MOG: variants seen among roughly 807,000 people sequenced by gnomAD.
The protein encoded by MOG is myelin oligodendrocyte glycoprotein.
Under a neutral mutation model 35.9 loss-of-function variants are expected in MOG, and 20 were observed. The ratio of observed to expected loss-of-function variants is 0.56; its 90% CI spans 0.39 to 0.81. MOG has a LOEUF of 0.81. Among genes scored for constraint, MOG ranks in the 30% least tolerant of loss-of-function variants. The probability of loss-of-function intolerance (pLI) is 0.00; values close to 1 mark genes in which losing one functional copy is unlikely to be tolerated. For missense variants in MOG, 251 were observed against 301.0 expected (o/e 0.83, Z 1.23); for synonymous variants, 92 against 114.3 (o/e 0.80, Z 1.25).
chr6:29,670,193 A>T lies in MOG; in HGVS notation c.593-88A>T. On this transcript the variant is annotated intron_variant, in intron 5 of 7. Transcript: ENST00000376917. The surrounding 1 kb of genome is among the most constrained non-coding windows in gnomAD (Gnocchi z 4.2). ...CCCCAGAGTCCTTTGGTGTTCTAGG[A>T]CCCCAGGTTAAGGAACCAAAAAAGA... is the stretch of plus-strand genomic sequence containing the variant. 1 of 1,613,696 alleles carries T rather than the reference A, an allele frequency of 6.2e-7. No individual in the cohort carries two copies. The highest frequency in any genetic ancestry group is 8.5e-7 in the Non-Finnish European group (1 of 1,179,702).
At chr6:29,668,571 C>T (rs1770716183) in intron 5 of MOG, among the ~76,000 whole-genome samples, 1 of 152,214 alleles carries the variant, frequency 6.6e-6, no homozygotes, top group South Asian at 2.1e-4. Context: ...AGCAAACTTC[C>T]TTCACAGCTC....
rs1410854698 is a variant in MOG at position 29,662,276 on chromosome 6, G to A, written c.436+2610G>A. On this transcript the variant is annotated intron_variant, in intron 2 of 7. Coordinates refer to ENST00000376917, the MANE Select transcript of MOG (RefSeq NM_206809.4). The surrounding 1 kb of genome is among the most constrained non-coding windows in gnomAD (Gnocchi z 4.2). ...AAGCGGGCAGATCACCCGAGGTCAG[G>A]AGTTCGAGACCAGCCTGATCAACAT... The A allele has an allele frequency of 1.6e-6, 1 of 625,794 alleles. No homozygotes were observed. Among genetic ancestry groups the A allele is most frequent in the Non-Finnish European group, 2.0e-6 (1 of 501,976 alleles). 38.8% of individuals were successfully genotyped at this position (625,794 alleles called of 1,614,324 possible).
At position 29,669,967 on chromosome 6, in the gene MOG, C is replaced by T. The variant is rs1771095925; in HGVS notation, c.593-314C>T. 2.5e-5 allele frequency: 16 copies of T among 638,600 alleles called. No individual in the cohort carries two copies. In the South Asian group the frequency reaches 2.6e-4, roughly 10 times the overall value. 39.6% of individuals were successfully genotyped at this position (638,600 alleles called of 1,614,324 possible). A position where few individuals can be genotyped will look rare whatever the true frequency, so the allele number is the denominator to read the frequency against. The stretch of plus-strand genomic sequence containing the variant: ...TACATTTTTAGTAGAGATGGGGTTT[C>T]ACCATGTTGGCCTGGCTGGTCTTGA... On this transcript the variant is annotated intron_variant, in intron 5 of 7. Transcript: ENST00000376917.
chr6:29,660,052 G>A, intron 2 of MOG: 1 of 299,626 alleles, frequency 3.3e-6, no homozygotes. Context: ...AAACCCTAGG[G>A]CATGGTGGTT....
At chr6:29,666,017 C>A in intron 2 of MOG, 135 bp from the exon 3 acceptor site, 2 of 764,420 alleles carry the variant, frequency 2.6e-6, no homozygotes, top group Non-Finnish European at 4.8e-6. Context: ...GCTCAGGGAC[C>A]AATTCTGTGT....
At chr6:29,657,432 C>T in intron 1 of MOG, 135 bp downstream of exon 1, 2 of 737,730 alleles carry the variant, frequency 2.7e-6, no homozygotes, top group South Asian at 1.6e-5. Context: ...ACATGCCTCC[C>T]TTCCTCAGAA....
At position 29,666,960 on chromosome 6, in the gene MOG, C is replaced by T. The variant is rs1349471501; in HGVS notation, c.551-683C>T. 3.3e-5 allele frequency among the ~76,000 whole-genome samples: 5 copies of T among 152,108 alleles called. No individual in the cohort carries two copies. In the East Asian group the frequency reaches 5.8e-4, roughly 18 times the overall value. On this transcript the variant is annotated intron_variant, in intron 3 of 7. Transcript: ENST00000376917. The stretch of plus-strand genomic sequence containing the variant: ...TGTTCTGGGGGAATGGGTGTTGGTG[C>T]GATCAACAACAAAGTCCTTTCTCTC...
chr6:29,667,754 C>G (rs17178119), intron 4 of MOG, 91 bp downstream of exon 4: 49,273 of 1,559,098 alleles, frequency 0.032, 886 homozygotes, highest in Middle Eastern at 0.068. Flanking sequence ...CTCTCCCTCT[C>G]AATACCCTGT....
Position 29,662,034 on chromosome 6 carries a change from G to T in MOG, c.436+2368G>T. The stretch of plus-strand genomic sequence containing the variant: ...GTTGAGACAAATTTAGGAATGAGAT[G>T]AAGTAATGGTATTATTGCAAGTCTC... On this transcript the variant is annotated intron_variant, in intron 2 of 7. Transcript: ENST00000376917. The surrounding 1 kb of genome is among the most constrained non-coding windows in gnomAD (Gnocchi z 4.2). 1.0e-6 allele frequency: 1 copy of T among 985,378 alleles called. No homozygotes were observed. The highest frequency in any genetic ancestry group is 1.2e-6 in the Non-Finnish European group (1 of 829,924). 61.0% of individuals were successfully genotyped at this position (985,378 alleles called of 1,614,324 possible).
chr6:29,664,438 C>G (rs1023082395), intron 2 of MOG, among the ~76,000 whole-genome samples: 2 of 152,058 alleles, frequency 1.3e-5, no homozygotes, highest in African/African-American at 4.8e-5. Context: ...AACTCCTGAC[C>G]TCAAGTGATC....
Position 29,671,521 on chromosome 6 carries a change from A to G in MOG, c.*336A>G. The G allele has an allele frequency of 9.5e-7, 1 of 1,057,434 alleles. No individual in the cohort carries two copies. Among genetic ancestry groups the G allele is most frequent in the East Asian group, 2.4e-5 (1 of 42,366 alleles). The allele number at this position is 1,057,434 out of a possible 1,614,324, so 65.5% of individuals were successfully genotyped here. A position where few individuals can be genotyped will look rare whatever the true frequency, so the allele number is the denominator to read the frequency against. ...AGAGCAACACAGGATGGTCTCTGCC[A>G]TGAACTGGAGGCCAGGAATCTCCTC... On this transcript the variant is annotated 3_prime_UTR_variant, in exon 8 of 8. Coordinates refer to ENST00000376917, the MANE Select transcript of MOG (RefSeq NM_206809.4).
chr6:29,659,491 T>C lies in MOG; in HGVS notation c.261T>C (p.Asp87=), dbSNP rs551474018. ...VHLYRNGKDQ[D]GDQAPEYRGR... The stretch of plus-strand genomic sequence containing the variant: ...TCTACAGAAATGGCAAGGACCAAGA[T>C]GGAGACCAGGCACCTGAATATCGGG... The change falls in exon 2 of 8, where the codon GAT becomes GAC. Residue 87 remains aspartate, a synonymous_variant. Transcript: ENST00000376917. 1 of 1,613,036 alleles carries C rather than the reference T, an allele frequency of 6.2e-7. No homozygotes were observed. The highest frequency in any genetic ancestry group is 1.3e-5 in the African/African-American group (1 of 75,034).
intron 2 of MOG, chr6:29,663,906 TG>T: frequency 1.0e-6 from 1 of 966,232 alleles, no homozygotes; most frequent in Non-Finnish European, 1.2e-6. Flanking sequence ...GCAACCCTCC[TG>T]GACCAGTTTA....
Position 29,671,345 on chromosome 6 carries a change from A to T in MOG, c.*160A>T, listed in dbSNP as rs2127540078. 1 of 1,611,820 alleles carries T rather than the reference A, an allele frequency of 6.2e-7. No individual in the cohort carries two copies. The highest frequency in any genetic ancestry group is 2.2e-5 in the East Asian group (1 of 44,878). On this transcript the variant is annotated 3_prime_UTR_variant, in exon 8 of 8. Transcript: ENST00000376917. ...ACACTCTGAATTCCAAGTAGAATTG[A>T]TTTCCCTTCTTCTGTCATCTACCTT...
Position 29,671,598 on chromosome 6 carries a change from A to C in MOG, c.*413A>C. ...GCAAATGGTGGTTGTTTCTTCCAAG[A>C]CTCCAGCCCTGATTGCGCAAAACTG... On this transcript the variant is annotated 3_prime_UTR_variant, in exon 8 of 8. Coordinates refer to ENST00000376917, the MANE Select transcript of MOG (RefSeq NM_206809.4). 1 of 711,980 alleles carries C rather than the reference A, an allele frequency of 1.4e-6. No individual in the cohort carries two copies. The highest frequency in any genetic ancestry group is 1.7e-5 in the African/African-American group (1 of 57,354). 44.1% of individuals were successfully genotyped at this position (711,980 alleles called of 1,614,324 possible).
intron 4 of MOG, 40 bp downstream of exon 4, chr6:29,667,703 G>A (rs750282887): frequency 1.9e-6 from 3 of 1,613,322 alleles, no homozygotes; most frequent in Non-Finnish European, 2.5e-6. Flanking sequence ...CTTGCCTTTT[G>A]GTTTTTTGGC....
rs1771118735 is a variant in MOG at position 29,670,059 on chromosome 6, A to C, written c.593-222A>C. ...GTTGGGATTACAGGCATGAGCCACC[A>C]CACCTGGCAGTTGTTACATTTTTAA... is the stretch of plus-strand genomic sequence containing the variant. On this transcript the variant is annotated intron_variant, in intron 5 of 7. Transcript: ENST00000376917. The surrounding 1 kb of genome is among the most constrained non-coding windows in gnomAD (Gnocchi z 4.2). 1 of 816,324 alleles carries C rather than the reference A, an allele frequency of 1.2e-6. No individual in the cohort carries two copies. Among genetic ancestry groups the C allele is most frequent in the South Asian group, 1.4e-5 (1 of 69,622 alleles). The allele number at this position is 816,324 out of a possible 1,614,324, so 50.6% of individuals were successfully genotyped here. A position where few individuals can be genotyped will look rare whatever the true frequency, so the allele number is the denominator to read the frequency against.
At chr6:29,669,290 T>TTCTA (rs1428648967) in intron 5 of MOG, among the ~76,000 whole-genome samples, 1 of 136,978 alleles carries the variant, frequency 7.3e-6, no homozygotes, top group African/African-American at 2.5e-5. Context: ...TGTAATTTCT[T>TTCTA]TCTTTCTTTC....
rs1179703324 is a variant in MOG at position 29,672,313 on chromosome 6, TAAATAAATAAATAAATAAATA to T, written c.*1132_*1152del. ...AAAAATAAATAAATAAATAAATAAA[TAAATAAATAAATAAATAAATA>T]AAAAATAATAATACAAGTTTTCATA... On this transcript the variant is annotated 3_prime_UTR_variant, in exon 8 of 8. Transcript: ENST00000376917. 8.8e-5 allele frequency: 22 copies of T among 250,092 alleles called. No individual in the cohort carries two copies. Among genetic ancestry groups the T allele is most frequent in the African/African-American group, 2.3e-5 (1 of 43,498 alleles). The allele number at this position is 250,092 out of a possible 1,614,324, so 15.5% of individuals were successfully genotyped here. A position where few individuals can be genotyped will look rare whatever the true frequency, so the allele number is the denominator to read the frequency against.
Sources: gnomAD v4.1 joint callset for allele counts (sites outside exome capture counted in the v4.1 genomes callset) on GRCh38, gnomAD v4.1.1 for gene constraint, Gnocchi (gnomAD v3.1) non-coding constraint, MANE v1.5 for transcripts, NCBI Gene and HGNC (gene_info 2026-07-23, HGNC 2026-07-21) for gene names.